Variants in FDFT1 observed in about 807,000 individuals in gnomAD.
FDFT1 encodes the protein farnesyl-diphosphate farnesyltransferase 1.
A neutral mutation model predicts 46.8 loss-of-function variants in FDFT1; 68 were observed. The ratio of observed to expected loss-of-function variants is 1.45; its 90% confidence interval spans 1.19 to 1.78. The LOEUF is 1.78. Among genes scored for constraint, FDFT1 ranks in the 40% most tolerant of loss-of-function variants. The pLI is 0.00. For missense variants in FDFT1, 928 were observed against 524.4 expected (o/e 1.77, Z -7.52); for synonymous variants, 351 against 185.1 (o/e 1.90, Z -7.28).
intron 7 of FDFT1, among the ~76,000 whole-genome samples, chr8:11,836,452 A>G (rs935703227): frequency 1.2e-4 from 19 of 152,360 alleles, no homozygotes; most frequent in Non-Finnish European, 2.5e-4. Context: ...GGGTCCCCAC[A>G]ACCCAGAGGA....
At chr8:11,807,208 G>C (rs1261431297) in intron 1 of FDFT1, among the ~76,000 whole-genome samples, 1 of 152,116 alleles carries the variant, frequency 6.6e-6, no homozygotes, top group Non-Finnish European at 1.5e-5. Flanking sequence ...CAATATCATA[G>C]TTCACTGTAA....
chr8:11,821,532 A>G (rs1010224954), intron 3 of FDFT1, among the ~76,000 whole-genome samples: 2 of 152,254 alleles, frequency 1.3e-5, no homozygotes, highest in African/African-American at 4.8e-5. Context: ...CGGAGTTTGC[A>G]GTGAGCTGAG....
chr8:11,814,972 A>G (rs7814619), intron 3 of FDFT1, among the ~76,000 whole-genome samples: 2,099 of 152,120 alleles, frequency 0.014, 41 homozygotes, highest in African/African-American at 0.047. Context: ...ACACCCATCA[A>G]CTCGTCATTT....
rs367871165 is a variant in FDFT1 at position 11,831,372 on chromosome 8, G to C, written c.880-146G>C. On this transcript the variant is annotated intron_variant, in intron 6 of 7. Transcript: ENST00000220584. ...GTAAAAATCTTGACATACTTTCTTC[G>C]TGGGTATTTTTTCTTGAGCGATTCC... is the stretch of plus-strand genomic sequence containing the variant. 1.6e-5 allele frequency: 10 copies of C among 641,038 alleles called. No individual in the cohort carries two copies. The East Asian group carries it at 2.1e-4, about 14-fold the overall frequency. The allele number at this position is 641,038 out of a possible 1,614,324, so 39.7% of individuals were successfully genotyped here.
intron 7 of FDFT1, among the ~76,000 whole-genome samples, chr8:11,837,927 G>C (rs1554531095): frequency 6.6e-6 from 1 of 152,172 alleles, no homozygotes; most frequent in Non-Finnish European, 1.5e-5. Context: ...ACGGCTCCCT[G>C]CTTCTGTTCC....
At chr8:11,828,910 A>G (rs2686204) in intron 5 of FDFT1, among the ~76,000 whole-genome samples, 96,274 of 152,086 alleles carry the variant, frequency 0.63, 30,563 homozygotes, top group East Asian at 0.8. Flanking sequence ...TCATCAGTTG[A>G]AGGATATTTG....
intron 5 of FDFT1, among the ~76,000 whole-genome samples, chr8:11,829,351 A>G (rs1313516548): frequency 6.6e-6 from 1 of 152,244 alleles, no homozygotes; most frequent in Non-Finnish European, 1.5e-5. Context: ...AATATCATTA[A>G]AAATCATCAA....
chr8:11,813,714 C>G (rs1047226928), intron 3 of FDFT1, among the ~76,000 whole-genome samples: 4 of 152,218 alleles, frequency 2.6e-5, no homozygotes, highest in African/African-American at 7.2e-5. Context: ...TGAACTCGCT[C>G]TGGGACCTTC....
At chr8:11,818,986 G>T (rs1488069917) in intron 3 of FDFT1, among the ~76,000 whole-genome samples, 1 of 152,172 alleles carries the variant, frequency 6.6e-6, no homozygotes, top group Non-Finnish European at 1.5e-5. Flanking sequence ...TGCAGTGGCT[G>T]GTACCAGTTG....
upstream of FDFT1, chr8:11,797,999 C>T (rs1007618227): frequency 1.3e-5 from 2 of 152,196 alleles, no homozygotes; most frequent in Non-Finnish European, 1.5e-5. Context: ...GGCTTGATTT[C>T]CTTTAAATCA....
intron 1 of FDFT1, among the ~76,000 whole-genome samples, chr8:11,796,250 G>A (rs1267851976): frequency 6.6e-6 from 1 of 152,230 alleles, no homozygotes; most frequent in African/African-American, 2.4e-5. Context: ...GAGGATGGGG[G>A]TTAAGTGACT....
intron 3 of FDFT1, among the ~76,000 whole-genome samples, chr8:11,817,326 T>A (rs1196456007): frequency 6.6e-6 from 1 of 152,238 alleles, no homozygotes. Flanking sequence ...TGGCCTAAAA[T>A]TCTCTTTTTT....
rs367871165 is a variant in FDFT1, at chr8:11,831,372, G to A, written c.880-146G>A. On this transcript the variant is annotated intron_variant, in intron 6 of 7. Transcript: ENST00000220584. ...GTAAAAATCTTGACATACTTTCTTCGTGGGTATTTTTTCTTGAGCGATTCC... is the reference window on the plus strand; with the variant it reads ...GTAAAAATCTTGACATACTTTCTTCATGGGTATTTTTTCTTGAGCGATTCC... 343 of 641,038 alleles carry A rather than the reference G, an allele frequency of 5.4e-4. No homozygotes were observed. The African/African-American group carries it at 5.7e-3, about 11-fold the overall frequency. 39.7% of individuals were successfully genotyped at this position (641,038 alleles called of 1,614,324 possible).
chr8:11,804,024 GCATT>G (rs745812133), intron 1 of FDFT1, among the ~76,000 whole-genome samples: 3 of 152,162 alleles, frequency 2.0e-5, no homozygotes, highest in Non-Finnish European at 2.9e-5. Flanking sequence ...TTTAGATATA[GCATT>G]CATTTATTTA....
chr8:11,798,960 G>C (rs1055031367), upstream of FDFT1, among the ~76,000 whole-genome samples: 5 of 152,218 alleles, frequency 3.3e-5, no homozygotes, highest in African/African-American at 1.2e-4. Context: ...CACTTTGAAG[G>C]AAAAGGCGTT....
chr8:11,804,598 C>CTG (rs1160009054), intron 1 of FDFT1, among the ~76,000 whole-genome samples: 1 of 100,912 alleles, frequency 9.9e-6, no homozygotes, highest in Non-Finnish European at 2.0e-5. Flanking sequence ...ATCTTAGTTT[C>CTG]TCTTTTTTTT....
At chr8:11,825,854 A>G (rs939123028) in intron 4 of FDFT1, 170 bp from the exon 5 acceptor site, 8 of 420,460 alleles carry the variant, frequency 1.9e-5, no homozygotes, top group African/African-American at 1.4e-4. Flanking sequence ...TTTTGAGCAC[A>G]TCCTTCTTGA....
intron 1 of FDFT1, among the ~76,000 whole-genome samples, chr8:11,796,234 C>T (rs1055096024): frequency 2.0e-5 from 3 of 152,118 alleles, no homozygotes; most frequent in Admixed American, 1.3e-4. Flanking sequence ...GGAAAAAGTG[C>T]TGTGTGAGGA....
intron 5 of FDFT1, among the ~76,000 whole-genome samples, chr8:11,827,281 C>G (rs1161469347): frequency 1.3e-5 from 2 of 151,704 alleles, no homozygotes; most frequent in Non-Finnish European, 2.9e-5. Flanking sequence ...GATACCATCT[C>G]TATAAAAAAT....
Sources: gnomAD v4.1 joint callset for allele counts (sites outside exome capture counted in the v4.1 genomes callset) on GRCh38, gnomAD v4.1.1 for gene constraint, MANE v1.5 for transcripts, NCBI Gene and HGNC (gene_info 2026-07-23, HGNC 2026-07-21) for gene names.